EFCAB8: variants seen among roughly 807,000 people sequenced by gnomAD.
EFCAB8 encodes the protein EF-hand calcium-binding domain-containing protein 8.
A neutral mutation model predicts 116.3 loss-of-function variants in EFCAB8; 100 were observed. The observed-to-expected ratio is 0.86, with a 90% CI of 0.73 to 1.02. The LOEUF is 1.02. EFCAB8 is among the 50% of genes least tolerant of loss of function. The pLI, the probability that EFCAB8 is intolerant of heterozygous loss-of-function variation, is 0.00. For missense variants in EFCAB8, 1,320 were observed against 1,416.9 expected, an observed-to-expected ratio of 0.93 and a Z score of 1.10; for synonymous variants, 558 against 567.9, an observed-to-expected ratio of 0.98 and a Z score of 0.25.
chr20:32,865,953 G>C (rs1984378292), intron 2 of EFCAB8, among the ~76,000 whole-genome samples: 1 of 152,052 alleles, frequency 6.6e-6, no homozygotes, highest in Admixed American at 6.6e-5. Context: ...GGGAGAGGAG[G>C]CTTATATGTA....
At chr20:32,916,471 C>T (rs547328973) in intron 17 of EFCAB8, among the ~76,000 whole-genome samples, 3 of 152,112 alleles carry the variant, frequency 2.0e-5, no homozygotes, top group African/African-American at 7.2e-5. Flanking sequence ...GTTGCCCAAG[C>T]TGGTCTTGAA....
At position 32,908,305 on chromosome 20, in the gene EFCAB8, A is replaced by G. The variant is rs1429348889; in HGVS notation, c.1339A>G (p.Ile447Val). 4 of 1,249,840 alleles carry G rather than the reference A, an allele frequency of 3.2e-6. No homozygotes were observed. The highest frequency in any genetic ancestry group is 8.4e-5 in the Admixed American group (2 of 23,718). The allele number at this position is 1,249,840 out of a possible 1,614,324, so 77.4% of individuals were successfully genotyped here. A position where few individuals can be genotyped will look rare whatever the true frequency, so the allele number is the denominator to read the frequency against. ...TCGCGTGTGGGACATGCTGGACTACATATGCCTCCAGTCCTTCTGTGGGAA... is the reference window on the plus strand; with the variant it reads ...TCGCGTGTGGGACATGCTGGACTACGTATGCCTCCAGTCCTTCTGTGGGAA... The part of the protein sequence containing the change: ...NIRVWDMLDY[I>V]CLQSFCGKFF... The change falls in exon 14 of 27, where the codon ATA (isoleucine) becomes GTA (valine). Residue 447 changes from isoleucine to valine, a missense_variant. Transcript: ENST00000400522.
chr20:32,922,895 A>C (rs1987517643), intron 20 of EFCAB8, among the ~76,000 whole-genome samples: 1 of 152,150 alleles, frequency 6.6e-6, no homozygotes, highest in East Asian at 1.9e-4. Context: ...AAAACTAAAA[A>C]AATTCAGGCC....
intron 20 of EFCAB8, among the ~76,000 whole-genome samples, chr20:32,930,010 T>C (rs750846554): frequency 8.5e-5 from 13 of 152,246 alleles, no homozygotes; most frequent in African/African-American, 1.2e-4. Context: ...TAGATATACA[T>C]GAAGGGGAAT....
At position 32,918,540 on chromosome 20, in the gene EFCAB8, G is replaced by C. The variant is rs1600424516; in HGVS notation, c.2240G>C (p.Arg747Thr). 3.2e-6 allele frequency: 5 copies of C among 1,551,682 alleles called. No individual in the cohort carries two copies. The East Asian group carries it at 1.2e-4, about 38-fold the overall frequency. ...GCTCCCCCAGTGATGCGGTGCCCGA[G>C]AGACAAGGAGCCAGACAGGCCTGTG... ...VSAPPVMRCP[R>T]DKEPDRPVPQ... Residue 747 changes from arginine to threonine, a missense_variant, in exon 19 of 27, where the codon AGA becomes ACA. By Grantham distance (71) the Arg-to-Thr change is moderately conservative. Coordinates refer to ENST00000400522, the MANE Select transcript of EFCAB8 (RefSeq NM_001143967.2).
chr20:32,924,894 C>T (rs1271629265), intron 20 of EFCAB8, among the ~76,000 whole-genome samples: 13 of 152,174 alleles, frequency 8.5e-5, no homozygotes, highest in Admixed American at 4.6e-4. Context: ...CCCACCCGCA[C>T]CACTCCTTGA....
chr20:32,933,396 A>G (rs979623201), intron 22 of EFCAB8, among the ~76,000 whole-genome samples: 4 of 152,200 alleles, frequency 2.6e-5, no homozygotes, highest in Non-Finnish European at 5.9e-5. Context: ...TGCTGTTTTG[A>G]TCTATGTACA....
At chr20:32,952,033 G>A (rs1988812210) in intron 23 of EFCAB8, among the ~76,000 whole-genome samples, 1 of 152,138 alleles carries the variant, frequency 6.6e-6, no homozygotes, top group African/African-American at 2.4e-5. Flanking sequence ...GCCAAAGTGG[G>A]TGGATTGCTT....
rs1350377012 is a variant in EFCAB8, at chr20:32,939,716, A to T, written c.2791-3920A>T. 7.5e-5 allele frequency among the ~76,000 whole-genome samples: 9 copies of T among 120,618 alleles called. 1 individual carries two copies. Among genetic ancestry groups the T allele is most frequent in the African/African-American group, 2.3e-4 (7 of 30,306 alleles). The allele number at this position is 120,618 out of a possible 152,430, so 79.1% of individuals were successfully genotyped here. A position where few individuals can be genotyped will look rare whatever the true frequency, so the allele number is the denominator to read the frequency against. On this transcript the variant is annotated intron_variant, in intron 22 of 26. Transcript: ENST00000400522. ...CTCTCTTTTTTTTTTCTTCTATTTG[A>T]CAGAGTCTTGCTCTGGTACCCAGGC...
At chr20:32,888,913 C>T (rs1348499689) in intron 6 of EFCAB8, among the ~76,000 whole-genome samples, 1 of 150,714 alleles carries the variant, frequency 6.6e-6, no homozygotes, top group Non-Finnish European at 1.5e-5. Flanking sequence ...AAACAGATCC[C>T]TGGATCATGA....
At chr20:32,937,330 G>A (rs1224718711) in intron 22 of EFCAB8, among the ~76,000 whole-genome samples, 1 of 152,044 alleles carries the variant, frequency 6.6e-6, no homozygotes, top group African/African-American at 2.4e-5. Flanking sequence ...TCACCTTATG[G>A]AGTTACAAAT....
chr20:32,961,235 C>T lies in EFCAB8; in HGVS notation c.3493C>T (p.His1165Tyr), dbSNP rs1291825020. 1.3e-6 allele frequency: 2 copies of T among 1,551,852 alleles called. No homozygotes were observed. Among genetic ancestry groups the T allele is most frequent in the Admixed American group, 3.9e-5 (2 of 51,004 alleles). The change falls in exon 27 of 27, where the codon CAC becomes TAC. Residue 1165 changes from histidine to tyrosine, a missense_variant. By Grantham distance (83) the His-to-Tyr change is moderately conservative (BLOSUM62 2). Coordinates refer to ENST00000400522, the MANE Select transcript of EFCAB8 (RefSeq NM_001143967.2). The stretch of plus-strand genomic sequence containing the variant: ...CAGGGGCCCAGACCAGCAAGACCAG[C>T]ACATCCGCCTGGTGGCCCACCATGT... ...TSRGPDQQDQHIRLVAHHVQK... is the reference protein window; with the variant it reads ...TSRGPDQQDQYIRLVAHHVQK...
At chr20:32,931,757 CAA>C (rs1987919286) in intron 22 of EFCAB8, among the ~76,000 whole-genome samples, 2 of 144,604 alleles carry the variant, frequency 1.4e-5, no homozygotes, top group Admixed American at 7.2e-5. Flanking sequence ...GACTTCGTTT[CAA>C]AAAAGAAAAA....
intron 2 of EFCAB8, 48 bp from the exon 3 acceptor site, chr20:32,867,528 TTGGCTC>T: frequency 5.2e-6 from 8 of 1,525,014 alleles, no homozygotes; most frequent in Non-Finnish European, 7.1e-6. Context: ...CTGAAAATGT[TTGGCTC>T]AGGAAATTGA....
At chr20:32,894,812 C>T (rs1986080284) in intron 9 of EFCAB8, among the ~76,000 whole-genome samples, 2 of 152,246 alleles carry the variant, frequency 1.3e-5, no homozygotes, top group Non-Finnish European at 2.9e-5. Context: ...CCCTCCCTCA[C>T]AGCCTAGTAG....
intron 1 of EFCAB8, among the ~76,000 whole-genome samples, chr20:32,861,670 G>A (rs988713236): frequency 6.6e-6 from 1 of 152,200 alleles, no homozygotes; most frequent in African/African-American, 2.4e-5. Context: ...AGGCTGAGAT[G>A]GGAGGATCAC....
intron 22 of EFCAB8, among the ~76,000 whole-genome samples, chr20:32,932,321 G>A (rs1987940302): frequency 6.6e-6 from 1 of 152,030 alleles, no homozygotes; most frequent in Non-Finnish European, 1.5e-5. Flanking sequence ...AGGTTGCAGT[G>A]AGCCTAGATT....
At chr20:32,951,669 A>G (rs1356245716) in intron 23 of EFCAB8, among the ~76,000 whole-genome samples, 3 of 152,212 alleles carry the variant, frequency 2.0e-5, no homozygotes, top group African/African-American at 7.2e-5. Context: ...ACTTCAATAA[A>G]ACTGTTAAAA....
At chr20:32,923,185 TAAAC>T (rs900954601) in intron 20 of EFCAB8, among the ~76,000 whole-genome samples, 22 of 144,638 alleles carry the variant, frequency 1.5e-4, no homozygotes, top group East Asian at 4.3e-4. Flanking sequence ...CCTTGTCTCT[TAAAC>T]AAACAAACAA....
Sources: allele counts gnomAD v4.1 joint callset (sites outside exome capture counted in the v4.1 genomes callset), GRCh38; gene constraint gnomAD v4.1.1; transcripts MANE v1.5; gene names NCBI Gene and HGNC (gene_info 2026-07-23, HGNC 2026-07-21).